Variants in REEP1 observed in about 807,000 individuals in gnomAD.
The protein encoded by REEP1 is receptor expression-enhancing protein 1.
REEP1 carries 22 observed loss-of-function variants against 40.3 expected under a neutral mutation model. The ratio of observed to expected loss-of-function variants is 0.55; its 90% CI spans 0.39 to 0.78. REEP1 has a LOEUF of 0.78. Among genes scored for constraint, REEP1 ranks in the 30% least tolerant of loss-of-function variants. The pLI is 0.00. For synonymous variants in REEP1, 116 were observed against 139.2 expected, an observed-to-expected ratio of 0.83 and a Z score of 1.17; for missense variants, 280 against 361.1, an observed-to-expected ratio of 0.78 and a Z score of 1.82.
At chr2:86,316,499 G>T (rs144625110) in intron 1 of REEP1, among the ~76,000 whole-genome samples, 5,316 of 139,714 alleles carry the variant, frequency 0.038, 323 homozygotes, top group African/African-American at 0.14. Context: ...AGTGAGCCGA[G>T]ATCGTGCCAT....
chr2:86,237,846 G>T (rs1438924557), intron 5 of REEP1, among the ~76,000 whole-genome samples: 1 of 151,908 alleles, frequency 6.6e-6, no homozygotes, highest in East Asian at 1.9e-4. Flanking sequence ...ATTTATAAAA[G>T]TGACAAAAAA....
intron 1 of REEP1, among the ~76,000 whole-genome samples, chr2:86,307,650 T>C (rs2104474910): frequency 6.6e-6 from 1 of 151,932 alleles, no homozygotes; most frequent in South Asian, 2.1e-4. Flanking sequence ...AGTCCCAGCT[T>C]TGCAGGAGGT....
intron 3 of REEP1, 97 bp from the exon 4 acceptor site, chr2:86,254,911 G>A (rs1676473698): frequency 7.3e-7 from 1 of 1,366,396 alleles, no homozygotes; most frequent in Non-Finnish European, 1.0e-6. Flanking sequence ...CGCCTCTCCT[G>A]CTTGCATGTG....
intron 2 of REEP1, among the ~76,000 whole-genome samples, chr2:86,270,170 CTTTTGTTTGTTTGTTT>C (rs1369468114): frequency 3.5e-4 from 48 of 139,106 alleles, no homozygotes; most frequent in East Asian, 1.0e-3. Flanking sequence ...TATCATTTTT[CTTTTGTTTGTTTGTTT>C]GTTTGTTTGT....
chr2:86,334,588 A>C (rs1220606360), intron 1 of REEP1, among the ~76,000 whole-genome samples: 1 of 152,084 alleles, frequency 6.6e-6, no homozygotes, highest in Non-Finnish European at 1.5e-5. Context: ...GATGAGGGGG[A>C]GGACTAGATC....
intron 6 of REEP1, 100 bp from the exon 7 acceptor site, chr2:86,227,498 G>A: frequency 1.0e-6 from 1 of 971,664 alleles, no homozygotes; most frequent in Non-Finnish European, 1.3e-6. Flanking sequence ...GGGGATCCCA[G>A]TGTGTACAAT....
intron 5 of REEP1, among the ~76,000 whole-genome samples, chr2:86,251,064 T>C (rs531908096): frequency 1.3e-5 from 2 of 152,280 alleles, no homozygotes; most frequent in African/African-American, 4.8e-5. Context: ...TCCCAACCAC[T>C]GTGTCTTTCC....
intron 1 of REEP1, among the ~76,000 whole-genome samples, chr2:86,334,186 G>A (rs748099674): frequency 2.0e-5 from 3 of 152,244 alleles, no homozygotes; most frequent in Admixed American, 6.5e-5. Context: ...CTCACGGCCA[G>A]TAGCAGCAGA....
At chr2:86,335,600 C>T (rs1273152315) in intron 1 of REEP1, among the ~76,000 whole-genome samples, 1 of 152,130 alleles carries the variant, frequency 6.6e-6, no homozygotes. Context: ...CCTGTAATCC[C>T]AGAACTTTGG....
Position 86,217,075 on chromosome 2 carries a change from C to A in REEP1, c.819G>T (p.Lys273Asn). 6.2e-7 allele frequency: 1 copy of A among 1,614,128 alleles called. No individual in the cohort carries two copies. Among genetic ancestry groups the A allele is most frequent in the Non-Finnish European group, 8.5e-7 (1 of 1,180,000 alleles). The change falls in exon 9 of 9, where the codon AAG (lysine) becomes AAT (asparagine). Residue 273 changes from lysine to asparagine, a missense_variant. Transcript: ENST00000538924. ...PPRILRSRFR[K>N]KSTSSSATET... ...CGGTGGCCGAGGATGAGGTACTTTT[C>A]TTCCTGAAGCGAGATCGAAGGATTC...
chr2:86,220,097 C>G lies in REEP1; in HGVS notation c.656G>C (p.Gly219Ala). The change falls in exon 8 of 9, where the codon GGT becomes GCT. Residue 219 changes from glycine (G) to alanine (A), a missense_variant. By Grantham distance (60) the Gly-to-Ala change is moderately conservative. Coordinates refer to ENST00000538924, the MANE Select transcript of REEP1 (RefSeq NM_001371279.1). Reference protein sequence around the residue: ...WKVVEGDVNEGGMKAWEPHQV... With the variant: ...WKVVEGDVNEAGMKAWEPHQV... ...GTGGGGCTCCCATGCCTTCATACCA[C>G]CCTCATTCACATCTCCCTCAACCAC... is the stretch of plus-strand genomic sequence containing the variant. The G allele has an allele frequency of 1.6e-6, 2 of 1,232,130 alleles. No homozygotes were observed. Among genetic ancestry groups the G allele is most frequent in the Non-Finnish European group, 2.0e-6 (2 of 987,980 alleles). The allele number at this position is 1,232,130 out of a possible 1,614,324, so 76.3% of individuals were successfully genotyped here.
At chr2:86,253,699 C>T (rs17027101) in intron 4 of REEP1, among the ~76,000 whole-genome samples, 6,309 of 152,244 alleles carry the variant, frequency 0.041, 453 homozygotes, top group African/African-American at 0.14. Context: ...TGCTGCGGTC[C>T]GAGTTCCTAA....
intron 2 of REEP1, among the ~76,000 whole-genome samples, chr2:86,268,881 T>TG (rs1207065905): frequency 1.3e-5 from 2 of 152,196 alleles, no homozygotes; most frequent in East Asian, 1.9e-4. Context: ...AGAGAAAAGA[T>TG]GGTCTTTTTA....
At chr2:86,234,707 G>GA (rs1397096941) in intron 5 of REEP1, among the ~76,000 whole-genome samples, 1 of 152,156 alleles carries the variant, frequency 6.6e-6, no homozygotes, top group Non-Finnish European at 1.5e-5. Context: ...GATATTATAT[G>GA]AAAAAAGACA....
intron 2 of REEP1, among the ~76,000 whole-genome samples, chr2:86,271,649 C>T (rs1443174986): frequency 1.3e-5 from 2 of 152,160 alleles, no homozygotes; most frequent in Non-Finnish European, 2.9e-5. Flanking sequence ...ATCAGAAAAA[C>T]AAGGTAGGTT....
At chr2:86,327,728 C>T (rs571951291) in intron 1 of REEP1, among the ~76,000 whole-genome samples, 40 of 152,144 alleles carry the variant, frequency 2.6e-4, no homozygotes, top group East Asian at 5.8e-4. Context: ...CCTCCACATC[C>T]GGCTAATTTT....
intron 8 of REEP1, 24 bp from the exon 9 acceptor site, chr2:86,217,134 T>C: frequency 6.2e-7 from 1 of 1,601,484 alleles, no homozygotes; most frequent in Non-Finnish European, 8.6e-7. Context: ...CAGAAAGGTG[T>C]CCCTCAGTTT....
chr2:86,217,894 A>G (rs1674213239), intron 8 of REEP1, among the ~76,000 whole-genome samples: 1 of 151,986 alleles, frequency 6.6e-6, no homozygotes, highest in Non-Finnish European at 1.5e-5. Flanking sequence ...CTTCCATGGG[A>G]TACACAGATC....
In REEP1 at chr2:86,216,326, C is replaced by T. The variant is rs575365311; in HGVS notation, c.*713G>A. 6.6e-6 allele frequency: 1 copy of T among 152,306 alleles called. No individual in the cohort carries two copies. Among genetic ancestry groups the T allele is most frequent in the South Asian group, 2.1e-4 (1 of 4,826 alleles). The allele number at this position is 152,306 out of a possible 1,614,324, so 9.4% of individuals were successfully genotyped here. A position where few individuals can be genotyped will look rare whatever the true frequency, so the allele number is the denominator to read the frequency against. On this transcript the variant is annotated 3_prime_UTR_variant, in exon 9 of 9. Transcript: ENST00000538924. The stretch of plus-strand genomic sequence containing the variant: ...GATGTTCCCCTGACCTCTCATCACA[C>T]TTTACTGTGTTGTGAAATATTGTTT...
Sources: gnomAD v4.1 joint callset for allele counts (sites outside exome capture counted in the v4.1 genomes callset) on GRCh38, gnomAD v4.1.1 for gene constraint, MANE v1.5 for transcripts, NCBI Gene and HGNC (gene_info 2026-07-23, HGNC 2026-07-21) for gene names.